The following TACC2 variants were observed in gnomAD, a reference collection of about 807,000 sequenced individuals.
TACC2 encodes the protein transforming acidic coiled-coil containing protein 2, also known as transforming acidic coiled-coil-containing protein 2.
In TACC2, 137 loss-of-function variants were observed where a neutral mutation model predicts 227.3. The observed-to-expected ratio is 0.60, with a 90% CI of 0.52 to 0.69. The LOEUF is 0.69. Ranked by LOEUF, TACC2 falls within the 30% of genes least tolerant of loss-of-function variation. The pLI is 0.00. For synonymous variants in TACC2, 1,523 were observed against 1,487.5 expected, an observed-to-expected ratio of 1.02 and a Z score of -0.55; for missense variants, 3,470 against 3,694.4, an observed-to-expected ratio of 0.94 and a Z score of 1.57.
intron 16 of TACC2, among the ~76,000 whole-genome samples, chr10:122,230,765 A>G (rs897261550): frequency 2.0e-5 from 3 of 152,232 alleles, no homozygotes; most frequent in Admixed American, 6.5e-5. Flanking sequence ...CACCAATTCA[A>G]CAGAGCAAAA....
intron 13 of TACC2, among the ~76,000 whole-genome samples, chr10:122,226,867 C>T (rs546294127): frequency 2.6e-5 from 4 of 152,128 alleles, no homozygotes; most frequent in African/African-American, 9.7e-5. Flanking sequence ...ATAATCTCGC[C>T]CAGTGCACAC....
At chr10:122,091,465 C>G (rs997899832) in intron 5 of TACC2, among the ~76,000 whole-genome samples, 2 of 152,118 alleles carry the variant, frequency 1.3e-5, no homozygotes, top group African/African-American at 4.8e-5. Flanking sequence ...GGATCACTTG[C>G]CCCTAGAAGC....
At chr10:122,178,859 A>G (rs80218064) in intron 7 of TACC2, among the ~76,000 whole-genome samples, 3,485 of 152,292 alleles carry the variant, frequency 0.023, 149 homozygotes, top group African/African-American at 0.08. Flanking sequence ...CAGGCTGGGC[A>G]GAGTGAGACC....
chr10:122,087,648 A>G lies in TACC2; in HGVS notation c.5148A>G (p.Thr1716=). 6.2e-7 allele frequency: 1 copy of G among 1,613,420 alleles called. No homozygotes were observed. The highest frequency in any genetic ancestry group is 1.6e-4 in the Middle Eastern group (1 of 6,062). ...EGDITLSTAE[T]QACASGDLPE... is the part of the protein sequence containing the mutation. ...ACATCACCCTGAGCACAGCTGAGAC[A>G]CAGGCATGTGCGTCCGGTGATCTGC... Residue 1716 remains threonine, a synonymous_variant, in exon 4 of 23, where the codon ACA becomes ACG. Coordinates refer to ENST00000369005, the MANE Select transcript of TACC2 (RefSeq NM_206862.4).
At chr10:122,178,123 G>T (rs1275926221) in intron 7 of TACC2, among the ~76,000 whole-genome samples, 1 of 152,150 alleles carries the variant, frequency 6.6e-6, no homozygotes, top group Admixed American at 6.5e-5. Context: ...GTTAGATTTG[G>T]CTTATGGCGA....
chr10:122,114,766 G>A (rs562940359), intron 5 of TACC2, among the ~76,000 whole-genome samples: 32 of 152,274 alleles, frequency 2.1e-4, no homozygotes, highest in African/African-American at 6.7e-4. Flanking sequence ...TTCATATACC[G>A]GTGTTATGGA....
intron 7 of TACC2, among the ~76,000 whole-genome samples, chr10:122,172,758 TC>T (rs1422288393): frequency 6.6e-6 from 1 of 151,588 alleles, no homozygotes; most frequent in African/African-American, 2.4e-5. Context: ...GTGAGGAGCA[TC>T]CCTCACAGCA....
Position 122,211,331 on chromosome 10 carries a change from A to G in TACC2, c.6906A>G (p.Pro2302=), listed in dbSNP as rs2095288136. 2 of 1,613,888 alleles carry G rather than the reference A, an allele frequency of 1.2e-6. No individual in the cohort carries two copies. Among genetic ancestry groups the G allele is most frequent in the African/African-American group, 1.3e-5 (1 of 74,882 alleles). The change falls in exon 9 of 23, where the codon CCA becomes CCG. Residue 2302 remains proline (P), a synonymous_variant. Coordinates refer to ENST00000369005, the MANE Select transcript of TACC2 (RefSeq NM_206862.4). ...TTGCCAAAATGCCCCTGAGGAGGCC[A>G]AAGATGAAAAAGACACCCGAGAAAC... is the stretch of plus-strand genomic sequence containing the variant. The part of the protein sequence containing the change: ...KPVAKMPLRR[P]KMKKTPEKLD...
intron 20 of TACC2, 66 bp downstream of exon 20, chr10:122,248,869 G>T: frequency 6.3e-7 from 1 of 1,597,536 alleles, no homozygotes; most frequent in Non-Finnish European, 8.6e-7. Flanking sequence ...GGAGCACTGG[G>T]AGGGGGTAGG....
chr10:122,152,999 C>CTTTCTTTCTT (rs71026005), intron 7 of TACC2, among the ~76,000 whole-genome samples: 1 of 135,024 alleles, frequency 7.4e-6, no homozygotes, highest in African/African-American at 2.7e-5. Context: ...TTCTTTCTTT[C>CTTTCTTTCTT]TTTTTTTTTT....
Position 122,085,586 on chromosome 10 carries a change from G to T in TACC2, c.3086G>T (p.Gly1029Val). The change falls in exon 4 of 23, where the codon GGC (glycine) becomes GTC (valine). Residue 1029 changes from glycine to valine, a missense_variant. By Grantham distance (109) the Gly-to-Val change is moderately radical. Around this residue, in one of 10 missense-constraint regions of TACC2, gnomAD observed 1,924 missense variants for 1,978.3 expected, o/e 0.97. Coordinates refer to ENST00000369005, the MANE Select transcript of TACC2 (RefSeq NM_206862.4). The part of the protein sequence containing the change: ...EAADGCSPLW[G>V]LSKREMASGN... Reference sequence around the variant, plus strand: ...GCTGATGGTTGTTCCCCACTCTGGGGCTTGAGTAAGAGGGAGATGGCAAGT... The same window carrying T: ...GCTGATGGTTGTTCCCCACTCTGGGTCTTGAGTAAGAGGGAGATGGCAAGT... The T allele has an allele frequency of 1.2e-6, 2 of 1,613,316 alleles. No individual in the cohort carries two copies. The highest frequency in any genetic ancestry group is 3.3e-5 in the Admixed American group (2 of 60,022).
chr10:122,058,170 G>A (rs12269672), intron 3 of TACC2, among the ~76,000 whole-genome samples: 22,339 of 152,236 alleles, frequency 0.15, 2,036 homozygotes, highest in East Asian at 0.32. Context: ...ACCACAAAGT[G>A]AGCATGGGGT....
At chr10:121,998,782 G>T (rs541370239) in intron 1 of TACC2, among the ~76,000 whole-genome samples, 1 of 152,216 alleles carries the variant, frequency 6.6e-6, no homozygotes, top group South Asian at 2.1e-4. Flanking sequence ...CGCTTACATC[G>T]GTATAAAGTT....
chr10:122,171,687 T>C (rs1442704488), intron 7 of TACC2, among the ~76,000 whole-genome samples: 1 of 152,250 alleles, frequency 6.6e-6, no homozygotes, highest in Non-Finnish European at 1.5e-5. Flanking sequence ...TTCAATGTGC[T>C]AAAAGAAAAT....
chr10:122,034,151 CAAAAAAAAAAAA>C (rs137962512), intron 2 of TACC2, among the ~76,000 whole-genome samples: 1 of 83,058 alleles, frequency 1.2e-5, no homozygotes. Flanking sequence ...GACTCTGTCT[CAAAAAAAAAAAA>C]AAAAAAAAAA....
At chr10:122,155,914 T>C (rs1244858891) in intron 7 of TACC2, among the ~76,000 whole-genome samples, 1 of 144,336 alleles carries the variant, frequency 6.9e-6, no homozygotes, top group Admixed American at 7.4e-5. Flanking sequence ...CTTGGCTCAC[T>C]GCAATCTCCG....
intron 1 of TACC2, among the ~76,000 whole-genome samples, chr10:121,992,024 C>T (rs1446217203): frequency 6.6e-6 from 1 of 152,166 alleles, no homozygotes; most frequent in Non-Finnish European, 1.5e-5. Context: ...GAAAGACCTG[C>T]CCCCATGATT....
chr10:122,173,061 A>G (rs945012362), intron 7 of TACC2, among the ~76,000 whole-genome samples: 1 of 152,164 alleles, frequency 6.6e-6, no homozygotes, highest in Non-Finnish European at 1.5e-5. Flanking sequence ...TTGCAAGTAG[A>G]AAAAAACCAA....
Position 122,141,132 on chromosome 10 carries a change from C to T in TACC2, c.5700-2440C>T, listed in dbSNP as rs886723799. Among the ~76,000 whole-genome samples the T allele has an allele frequency of 6.6e-5, 10 of 151,956 alleles. No individual in the cohort carries two copies. The highest frequency in any genetic ancestry group is 4.2e-4 in the South Asian group (2 of 4,812). ...ACTGGAAGTCAGTGCCAGGGCCTGG[C>T]GGGCTGATGGTGCCACTACCTTGCT... is the stretch of plus-strand genomic sequence containing the variant. On this transcript the variant is annotated intron_variant, in intron 6 of 22. Transcript: ENST00000369005. This position sits in a 1 kb window ranked among gnomAD's most constrained non-coding sequence, Gnocchi z 4.3.
Sources: allele counts gnomAD v4.1 joint callset (sites outside exome capture counted in the v4.1 genomes callset), GRCh38; gene constraint gnomAD v4.1.1; regional missense constraint gnomAD v4.1.1; non-coding constraint Gnocchi (gnomAD v3.1); transcripts MANE v1.5; gene names NCBI Gene and HGNC (gene_info 2026-07-23, HGNC 2026-07-21).